ARHGEF28: variants seen among roughly 807,000 people sequenced by gnomAD.
ARHGEF28 encodes the protein Rho guanine nucleotide exchange factor 28.
In ARHGEF28, 152 loss-of-function variants were observed where a neutral mutation model predicts 206.6. The observed-to-expected ratio is 0.74, with a 90% CI of 0.64 to 0.84. ARHGEF28 has a LOEUF of 0.84. Among genes scored for constraint, ARHGEF28 ranks in the 40% least tolerant of loss-of-function variants. The pLI is 0.00. For synonymous variants in ARHGEF28, 763 were observed against 776.4 expected, an observed-to-expected ratio of 0.98 and a Z score of 0.29; for missense variants, 2,028 against 2,073.2, an observed-to-expected ratio of 0.98 and a Z score of 0.42.
At chr5:73,896,272 C>T (rs923169884) in intron 29 of ARHGEF28, among the ~76,000 whole-genome samples, 14 of 152,194 alleles carry the variant, frequency 9.2e-5, no homozygotes, top group African/African-American at 3.4e-4. Context: ...GAAGGAAGTG[C>T]AAAGCCCCTG....
At chr5:73,691,051 C>G (rs779366899) in intron 2 of ARHGEF28, among the ~76,000 whole-genome samples, 5 of 151,848 alleles carry the variant, frequency 3.3e-5, no homozygotes, top group Non-Finnish European at 7.4e-5. Flanking sequence ...TGCCTCAGCT[C>G]CCAGAGTAGC....
At chr5:73,649,239 C>T (rs181007539) in intron 1 of ARHGEF28, among the ~76,000 whole-genome samples, 63 of 152,248 alleles carry the variant, frequency 4.1e-4, no homozygotes, top group African/African-American at 1.4e-3. Flanking sequence ...AAATGTCACT[C>T]ATGTGGCTTT....
Position 73,887,622 on chromosome 5 carries a change from A to C in ARHGEF28, c.3330A>C (p.Leu1110=). Reference sequence around the variant, plus strand: ...TTAAAGATATCCTAGCTCTACTTCTAACTGATGTGCTGCTCTTTTTACAAG... The same window carrying C: ...TTAAAGATATCCTAGCTCTACTTCTCACTGATGTGCTGCTCTTTTTACAAG... ...GRFKDILALL[L]TDVLLFLQEK... The change falls in exon 26 of 36, where the codon CTA becomes CTC. Residue 1110 remains leucine, a synonymous_variant. Transcript: ENST00000513042. The C allele has an allele frequency of 6.4e-7, 1 of 1,570,360 alleles. No homozygotes were observed. The highest frequency in any genetic ancestry group is 8.6e-7 in the Non-Finnish European group (1 of 1,156,190).
At chr5:73,724,640 A>G (rs1176855883) in intron 2 of ARHGEF28, among the ~76,000 whole-genome samples, 1 of 152,228 alleles carries the variant, frequency 6.6e-6, no homozygotes, top group Non-Finnish European at 1.5e-5. Flanking sequence ...AAGATGTCAT[A>G]TAATTGGAAT....
intron 29 of ARHGEF28, among the ~76,000 whole-genome samples, chr5:73,895,708 C>T (rs1428073582): frequency 1.3e-5 from 2 of 152,152 alleles, no homozygotes; most frequent in African/African-American, 4.8e-5. Flanking sequence ...AACTTAGCCA[C>T]ATCTGCTTGT....
At chr5:73,759,157 A>G (rs1247844862) in intron 4 of ARHGEF28, among the ~76,000 whole-genome samples, 2 of 152,230 alleles carry the variant, frequency 1.3e-5, no homozygotes, top group African/African-American at 2.4e-5. Flanking sequence ...AGGGTGGCTT[A>G]AGAATTGAAT....
intron 2 of ARHGEF28, among the ~76,000 whole-genome samples, chr5:73,746,620 A>C (rs1224930089): frequency 6.6e-6 from 1 of 152,102 alleles, no homozygotes; most frequent in Non-Finnish European, 1.5e-5. Context: ...ATGGATTTTT[A>C]TGTTAGATAT....
At chr5:73,731,965 G>A (rs1321739468) in intron 2 of ARHGEF28, among the ~76,000 whole-genome samples, 1 of 151,178 alleles carries the variant, frequency 6.6e-6, no homozygotes, top group East Asian at 1.9e-4. Flanking sequence ...GGTCAGCATA[G>A]CCTCCCCCAG....
chr5:73,749,479 C>T (rs1461972343), intron 2 of ARHGEF28, among the ~76,000 whole-genome samples: 1 of 152,242 alleles, frequency 6.6e-6, no homozygotes, highest in East Asian at 1.9e-4. Context: ...CCAGCCTGGG[C>T]AACATAGTGA....
intron 35 of ARHGEF28, among the ~76,000 whole-genome samples, chr5:73,925,178 A>G (rs114723258): frequency 1.3e-3 from 203 of 152,222 alleles, no homozygotes; most frequent in African/African-American, 4.8e-3. Flanking sequence ...CAAACCCTCC[A>G]TGTGCTGGAA....
intron 12 of ARHGEF28, 137 bp downstream of exon 12, chr5:73,846,612 G>A (rs912908440): frequency 2.7e-5 from 20 of 737,932 alleles, no homozygotes; most frequent in African/African-American, 3.6e-5. Flanking sequence ...TGTGATATCT[G>A]ATTGAGTCTG....
chr5:73,797,932 C>T (rs1241612353), intron 9 of ARHGEF28, among the ~76,000 whole-genome samples: 2 of 152,252 alleles, frequency 1.3e-5, no homozygotes, highest in East Asian at 1.9e-4. Context: ...TGGCCACCTA[C>T]GTCTATTGAG....
At chr5:73,691,580 T>C (rs1747834870) in intron 2 of ARHGEF28, among the ~76,000 whole-genome samples, 1 of 152,202 alleles carries the variant, frequency 6.6e-6, no homozygotes, top group Admixed American at 6.5e-5. Context: ...AATAAAACTT[T>C]CAAGCGATTC....
chr5:73,868,295 A>G, intron 20 of ARHGEF28, 68 bp downstream of exon 20: 1 of 1,475,196 alleles, frequency 6.8e-7, no homozygotes, highest in African/African-American at 1.4e-5. Flanking sequence ...CACTGTCTGA[A>G]GGAAATAAGA....
chr5:73,694,150 G>A (rs965959839), intron 2 of ARHGEF28, among the ~76,000 whole-genome samples: 3 of 152,164 alleles, frequency 2.0e-5, no homozygotes, highest in Non-Finnish European at 4.4e-5. Context: ...GAAAGAAACA[G>A]TTCCCTCTTC....
intron 1 of ARHGEF28, among the ~76,000 whole-genome samples, chr5:73,670,151 G>A (rs572478648): frequency 1.3e-5 from 2 of 152,246 alleles, no homozygotes; most frequent in Non-Finnish European, 1.5e-5. Flanking sequence ...CCTTCCCCCA[G>A]TGTGGTGTCT....
chr5:73,781,393 A>G (rs916159708), intron 7 of ARHGEF28, among the ~76,000 whole-genome samples: 6 of 152,196 alleles, frequency 3.9e-5, no homozygotes, highest in African/African-American at 1.4e-4. Flanking sequence ...ATTCCACAAC[A>G]TGCCACATGG....
intron 2 of ARHGEF28, among the ~76,000 whole-genome samples, chr5:73,727,567 T>G (rs1211217827): frequency 1.3e-5 from 2 of 152,212 alleles, no homozygotes; most frequent in African/African-American, 4.8e-5. Context: ...AAAATAATTT[T>G]TAACTGTGGC....
chr5:73,642,823 T>C (rs939595092), intron 1 of ARHGEF28, among the ~76,000 whole-genome samples: 3 of 152,208 alleles, frequency 2.0e-5, no homozygotes, highest in African/African-American at 7.2e-5. Flanking sequence ...CATGCTCTAA[T>C]ATCTGTTCAT....
Sources: gnomAD v4.1 joint callset for allele counts (sites outside exome capture counted in the v4.1 genomes callset) on GRCh38, gnomAD v4.1.1 for gene constraint, MANE v1.5 for transcripts, NCBI Gene and HGNC (gene_info 2026-07-23, HGNC 2026-07-21) for gene names.